The following KCNB2 variants were observed in gnomAD, a reference collection of about 807,000 sequenced individuals.
The protein encoded by KCNB2 is potassium voltage-gated channel subfamily B member 2, also known as delayed rectifier potassium channel protein.
Under a neutral mutation model 61.5 loss-of-function variants are expected in KCNB2, and 15 were observed. The ratio of observed to expected loss-of-function variants is 0.24; its 90% CI spans 0.16 to 0.38. KCNB2 has a LOEUF of 0.38. Ranked by LOEUF, KCNB2 falls within the 10% of genes least tolerant of loss-of-function variation. The pLI, the probability that KCNB2 is intolerant of heterozygous loss-of-function variation, is 1.00. For missense variants in KCNB2, 828 were observed against 1,125.2 expected (o/e 0.74, Z 3.78); for synonymous variants, 457 against 446.0 (o/e 1.02, Z -0.31).
In KCNB2 at chr8:72,929,527, T is replaced by C. The variant is rs148501941; in HGVS notation, c.580-6408T>C. Among the ~76,000 whole-genome samples the C allele has an allele frequency of 7.9e-5, 12 of 152,362 alleles. No individual in the cohort carries two copies. The Middle Eastern group carries it at 0.014, about 173-fold the overall frequency. ...GCGCAATATTTTTCAGTCTTCTCTT[T>C]TGAATGTTTTACTCATTATGTAACA... On this transcript the variant is annotated intron_variant, in intron 2 of 2. Coordinates refer to ENST00000523207, the MANE Select transcript of KCNB2 (RefSeq NM_004770.3).
intron 2 of KCNB2, among the ~76,000 whole-genome samples, chr8:72,587,407 C>T (rs1807016784): frequency 6.6e-6 from 1 of 152,160 alleles, no homozygotes; most frequent in Non-Finnish European, 1.5e-5. Context: ...TCTAAATACA[C>T]TTATGTAGTC....
At position 72,725,539 on chromosome 8, in the gene KCNB2, A is replaced by ATG. The variant is rs1163544582; in HGVS notation, c.579+157232_579+157233dup. On this transcript the variant is annotated intron_variant, in intron 2 of 2. Transcript: ENST00000523207. ...TATATATATATATATATATATATAT[A>ATG]TGTGTGTATATATATATGTATATAT... is the stretch of plus-strand genomic sequence containing the variant. Among the ~76,000 whole-genome samples the ATG allele has an allele frequency of 6.8e-4, 26 of 38,444 alleles. 1 individual carries two copies. The South Asian group carries it at 8.1e-3, about 12-fold the overall frequency. The allele number at this position is 38,444 out of a possible 152,430, so 25.2% of individuals were successfully genotyped here.
chr8:72,883,959 C>G (rs1358752898), intron 2 of KCNB2, among the ~76,000 whole-genome samples: 2 of 152,202 alleles, frequency 1.3e-5, no homozygotes, highest in African/African-American at 4.8e-5. Context: ...AATTGCAAAT[C>G]ACAATTGCAG....
intron 2 of KCNB2, among the ~76,000 whole-genome samples, chr8:72,730,285 A>G (rs1471853287): frequency 6.6e-6 from 1 of 152,204 alleles, no homozygotes; most frequent in Non-Finnish European, 1.5e-5. Context: ...CTTTTCTGTA[A>G]GCAGTCAACT....
At chr8:72,824,525 T>G (rs955285555) in intron 2 of KCNB2, among the ~76,000 whole-genome samples, 2 of 152,106 alleles carry the variant, frequency 1.3e-5, no homozygotes, top group Non-Finnish European at 2.9e-5. Context: ...ACAAGCCTCT[T>G]GGGTGGTATC....
At chr8:72,894,715 AATAGCTT>A (rs372844436) in intron 2 of KCNB2, among the ~76,000 whole-genome samples, 497 of 152,286 alleles carry the variant, frequency 3.3e-3, no homozygotes, top group African/African-American at 0.012. Flanking sequence ...TCCATTTCCC[AATAGCTT>A]TACATGTGAT....
At chr8:72,648,168 C>T (rs890982853) in intron 2 of KCNB2, among the ~76,000 whole-genome samples, 1 of 152,122 alleles carries the variant, frequency 6.6e-6, no homozygotes, top group African/African-American at 2.4e-5. Flanking sequence ...CTGCAGTACT[C>T]GGTACCCTTG....
chr8:72,848,132 A>T (rs1585929303), intron 2 of KCNB2, among the ~76,000 whole-genome samples: 1 of 152,212 alleles, frequency 6.6e-6, no homozygotes, highest in Admixed American at 6.5e-5. Flanking sequence ...TACACCAGTG[A>T]GGCCCAATTT....
intron 2 of KCNB2, among the ~76,000 whole-genome samples, chr8:72,870,865 T>A (rs1271032310): frequency 6.6e-6 from 1 of 152,186 alleles, no homozygotes. Flanking sequence ...TGGTCCCAGC[T>A]ACTCAGGAGG....
chr8:72,926,073 C>T (rs189502385), intron 2 of KCNB2, among the ~76,000 whole-genome samples: 3 of 152,192 alleles, frequency 2.0e-5, no homozygotes, highest in Admixed American at 2.0e-4. Context: ...TTGTGGGGAA[C>T]AACACACCCT....
intron 2 of KCNB2, among the ~76,000 whole-genome samples, chr8:72,598,639 T>C (rs1807238261): frequency 1.3e-5 from 2 of 152,236 alleles, no homozygotes; most frequent in African/African-American, 2.4e-5. Context: ...GGCATTCAAT[T>C]AGGAAAAGAG....
chr8:72,817,683 A>G (rs991930472), intron 2 of KCNB2, among the ~76,000 whole-genome samples: 1 of 152,096 alleles, frequency 6.6e-6, no homozygotes, highest in Admixed American at 6.6e-5. Flanking sequence ...AACCCAATAA[A>G]TTATTTCTCC....
intron 2 of KCNB2, among the ~76,000 whole-genome samples, chr8:72,728,128 C>G (rs1254244040): frequency 2.6e-5 from 4 of 152,196 alleles, no homozygotes; most frequent in African/African-American, 9.6e-5. Context: ...GGCCAACTCT[C>G]CTTTTAATTC....
chr8:72,662,713 C>G (rs1379912912), intron 2 of KCNB2, among the ~76,000 whole-genome samples: 1 of 152,142 alleles, frequency 6.6e-6, no homozygotes, highest in Non-Finnish European at 1.5e-5. Flanking sequence ...GCTCTCGGTT[C>G]TTCCTTGTTC....
At chr8:72,554,150 G>T (rs1269398853) in intron 1 of KCNB2, among the ~76,000 whole-genome samples, 1 of 152,022 alleles carries the variant, frequency 6.6e-6, no homozygotes, top group African/African-American at 2.4e-5. Context: ...CCTACAAAAC[G>T]CATGCTAGAA....
At chr8:72,572,621 G>C (rs1806729201) in intron 2 of KCNB2, among the ~76,000 whole-genome samples, 2 of 151,104 alleles carry the variant, frequency 1.3e-5, no homozygotes, top group Admixed American at 6.6e-5. Flanking sequence ...ACACACACAG[G>C]CATATCTTGT....
At chr8:72,716,249 A>G (rs1439191781) in intron 2 of KCNB2, among the ~76,000 whole-genome samples, 1 of 152,168 alleles carries the variant, frequency 6.6e-6, no homozygotes, top group African/African-American at 2.4e-5. Context: ...AGGAACTGGT[A>G]CCATTCCTTC....
chr8:72,662,033 T>C (rs948095606), intron 2 of KCNB2, among the ~76,000 whole-genome samples: 1 of 152,238 alleles, frequency 6.6e-6, no homozygotes, highest in African/African-American at 2.4e-5. Context: ...AAGAATTTGA[T>C]GTCTTCTCCT....
At chr8:72,606,932 C>T (rs185724843) in intron 2 of KCNB2, among the ~76,000 whole-genome samples, 1 of 152,268 alleles carries the variant, frequency 6.6e-6, no homozygotes, top group Admixed American at 6.5e-5. Flanking sequence ...TGAGCTTCAG[C>T]ATCTGGGAGA....
Sources: allele counts gnomAD v4.1 joint callset (sites outside exome capture counted in the v4.1 genomes callset), GRCh38; gene constraint gnomAD v4.1.1; transcripts MANE v1.5; gene names NCBI Gene and HGNC (gene_info 2026-07-23, HGNC 2026-07-21).